Variants in BTC observed in about 807,000 individuals in gnomAD.
The protein encoded by BTC is probetacellulin.
Under a neutral mutation model 18.1 loss-of-function variants are expected in BTC, and 13 were observed. The ratio of observed to expected loss-of-function variants is 0.72; its 90% CI spans 0.47 to 1.14. The LOEUF (loss-of-function observed/expected upper bound fraction) is 1.14. Among genes scored for constraint, BTC ranks in the 50% most tolerant of loss-of-function variants. The pLI, the probability that BTC is intolerant of heterozygous loss-of-function variation, is 0.00. For synonymous variants in BTC, 83 were observed against 79.4 expected, an observed-to-expected ratio of 1.05 and a Z score of -0.24; for missense variants, 247 against 224.2, an observed-to-expected ratio of 1.10 and a Z score of -0.65.
intron 1 of BTC, among the ~76,000 whole-genome samples, chr4:74,791,876 G>A (rs1272980682): frequency 1.3e-5 from 2 of 151,796 alleles, no homozygotes; most frequent in African/African-American, 2.4e-5. Flanking sequence ...CCAGAAAGTT[G>A]TAACTTACAG....
At chr4:74,793,939 C>T (rs867955735) in intron 1 of BTC, among the ~76,000 whole-genome samples, 1 of 151,540 alleles carries the variant, frequency 6.6e-6, no homozygotes, top group Non-Finnish European at 1.5e-5. Flanking sequence ...GACAGCCCGC[C>T]GGCGCCGCCA....
rs550514068 is a variant in BTC at position 74,784,393 on chromosome 4, A to G, written c.64+9869T>C. 4.3e-4 allele frequency among the ~76,000 whole-genome samples: 66 copies of G among 152,214 alleles called. 1 individual carries two copies. The South Asian group carries it at 0.013, about 30-fold the overall frequency. ...GTCATCTGCAAACAAAGATAATTCAACTTCCTCTCTTCCTACTTACATACT... is the reference window on the plus strand; with the variant it reads ...GTCATCTGCAAACAAAGATAATTCAGCTTCCTCTCTTCCTACTTACATACT... On this transcript the variant is annotated intron_variant, in intron 1 of 5. Transcript: ENST00000395743.
intron 1 of BTC, among the ~76,000 whole-genome samples, chr4:74,781,226 G>A (rs1048304377): frequency 6.6e-6 from 1 of 152,182 alleles, no homozygotes; most frequent in East Asian, 1.9e-4. Flanking sequence ...TCCAAATGCT[G>A]CCTTCCTGGA....
At chr4:74,757,547 T>C (rs782585781) in intron 2 of BTC, among the ~76,000 whole-genome samples, 2 of 152,260 alleles carry the variant, frequency 1.3e-5, no homozygotes, top group Non-Finnish European at 2.9e-5. Context: ...AATCAATTGA[T>C]GTCAACTTCC....
chr4:74,749,681 T>A (rs1724400077), intron 4 of BTC, among the ~76,000 whole-genome samples: 1 of 110,368 alleles, frequency 9.1e-6, no homozygotes, highest in African/African-American at 3.8e-5. Flanking sequence ...ATAAGATAGT[T>A]TTTTTTGTTG....
At chr4:74,782,238 A>T (rs1352015284) in intron 1 of BTC, among the ~76,000 whole-genome samples, 1 of 152,122 alleles carries the variant, frequency 6.6e-6, no homozygotes, top group Non-Finnish European at 1.5e-5. Context: ...AACGTCCATT[A>T]GCTATTCTTC....
intron 2 of BTC, among the ~76,000 whole-genome samples, chr4:74,762,784 T>G (rs1724795298): frequency 6.6e-6 from 1 of 152,206 alleles, no homozygotes; most frequent in Non-Finnish European, 1.5e-5. Context: ...CCTGATGTTT[T>G]AAGGTAATGC....
intron 2 of BTC, among the ~76,000 whole-genome samples, chr4:74,757,988 T>C (rs1323439255): frequency 2.6e-5 from 4 of 152,224 alleles, no homozygotes; most frequent in African/African-American, 9.7e-5. Context: ...TCCCAGAATC[T>C]TAAAATCTTG....
At chr4:74,788,438 A>C (rs1725539455) in intron 1 of BTC, among the ~76,000 whole-genome samples, 1 of 152,192 alleles carries the variant, frequency 6.6e-6, no homozygotes, top group Non-Finnish European at 1.5e-5. Context: ...AATCTGTACG[A>C]TGCAATTTAA....
chr4:74,770,530 T>C (rs1725010050), intron 1 of BTC, among the ~76,000 whole-genome samples: 1 of 152,130 alleles, frequency 6.6e-6, no homozygotes, highest in Admixed American at 6.6e-5. Context: ...GCAAGCAAAG[T>C]GCCTTCTCCA....
intron 3 of BTC, among the ~76,000 whole-genome samples, chr4:74,753,600 C>T (rs1364915307): frequency 6.6e-6 from 1 of 152,148 alleles, no homozygotes; most frequent in Non-Finnish European, 1.5e-5. Context: ...CACAAACTCC[C>T]ATGATCCCAA....
chr4:74,755,114 G>A (rs534412799), intron 3 of BTC, among the ~76,000 whole-genome samples: 1 of 151,938 alleles, frequency 6.6e-6, no homozygotes, highest in African/African-American at 2.4e-5. Flanking sequence ...TTAGGATTTG[G>A]AATCATTTTT....
At chr4:74,761,818 C>T (rs1724764823) in intron 2 of BTC, among the ~76,000 whole-genome samples, 1 of 152,192 alleles carries the variant, frequency 6.6e-6, no homozygotes, top group African/African-American at 2.4e-5. Flanking sequence ...CTCTTTCCTT[C>T]TGCCTTTGCC....
chr4:74,778,999 G>T (rs2109910305), intron 1 of BTC, among the ~76,000 whole-genome samples: 1 of 152,206 alleles, frequency 6.6e-6, no homozygotes, highest in South Asian at 2.1e-4. Context: ...TGAAAGACAG[G>T]CTTCTGGGTT....
At chr4:74,777,254 A>G (rs1195413203) in intron 1 of BTC, among the ~76,000 whole-genome samples, 2 of 152,156 alleles carry the variant, frequency 1.3e-5, no homozygotes, top group East Asian at 3.9e-4. Flanking sequence ...TTACATAGCC[A>G]TGGTAAAAAT....
chr4:74,794,143 G>C, intron 1 of BTC, 119 bp downstream of exon 1: 1 of 1,311,922 alleles, frequency 7.6e-7, no homozygotes, highest in Non-Finnish European at 1.1e-6. Flanking sequence ...TCCAACCCGC[G>C]CCTGCCAGCC....
chr4:74,792,378 TCTA>T (rs1725656146), intron 1 of BTC, among the ~76,000 whole-genome samples: 1 of 152,228 alleles, frequency 6.6e-6, no homozygotes. Context: ...AATAGTCATT[TCTA>T]CTATGACACC....
chr4:74,770,892 A>G (rs1725019371), intron 1 of BTC, among the ~76,000 whole-genome samples: 1 of 150,342 alleles, frequency 6.7e-6, no homozygotes, highest in Non-Finnish European at 1.5e-5. Flanking sequence ...GGTTTAGGTT[A>G]CAAAACAGGG....
In BTC at chr4:74,770,154, G is replaced by C; in HGVS notation, c.67C>G (p.Leu23Val). 1 of 1,601,036 alleles carries C rather than the reference G, an allele frequency of 6.2e-7. No homozygotes were observed. The highest frequency in any genetic ancestry group is 2.2e-5 in the East Asian group (1 of 44,620). The part of the protein sequence containing the change: ...LPLLLALALG[L>V]VILHCVVADG... Reference sequence around the variant, plus strand: ...GCCACCACACAGTGAAGGATCACTAGACCTTCAAATTCAAAACAGAACCAA... The same window carrying C: ...GCCACCACACAGTGAAGGATCACTACACCTTCAAATTCAAAACAGAACCAA... The change falls in exon 2 of 6, where the codon CTA becomes GTA. Residue 23 changes from leucine to valine, a missense_variant and splice_region_variant. Physicochemically the swap from Leu to Val is conservative, Grantham distance 32 (BLOSUM62 1). Coordinates refer to ENST00000395743, the MANE Select transcript of BTC (RefSeq NM_001729.4).
Sources: gnomAD v4.1 joint callset for allele counts (sites outside exome capture counted in the v4.1 genomes callset) on GRCh38, gnomAD v4.1.1 for gene constraint, MANE v1.5 for transcripts, NCBI Gene and HGNC (gene_info 2026-07-23, HGNC 2026-07-21) for gene names.